The following SLC4A5 variants were observed in gnomAD, a reference collection of about 807,000 sequenced individuals.
SLC4A5 encodes solute carrier family 4 member 5.
Under a neutral mutation model 120.4 loss-of-function variants are expected in SLC4A5, and 96 were observed. The ratio of observed to expected loss-of-function variants is 0.80; its 90% CI spans 0.68 to 0.94. SLC4A5 has a LOEUF of 0.94. Ranked by LOEUF, SLC4A5 falls within the 40% of genes least tolerant of loss-of-function variation. The pLI, the probability that SLC4A5 is intolerant of heterozygous loss-of-function variation, is 0.00. For synonymous variants in SLC4A5, 550 were observed against 571.1 expected (o/e 0.96, Z 0.53); for missense variants, 1,259 against 1,459.5 (o/e 0.86, Z 2.24).
intron 8 of SLC4A5, among the ~76,000 whole-genome samples, chr2:74,269,137 C>G (rs990517410): frequency 6.6e-6 from 1 of 152,000 alleles, no homozygotes; most frequent in Non-Finnish European, 1.5e-5. Flanking sequence ...TATGTGATAT[C>G]GAAAGTAAGA....
chr2:74,259,233 C>T (rs1335012466), intron 12 of SLC4A5, among the ~76,000 whole-genome samples: 1 of 152,170 alleles, frequency 6.6e-6, no homozygotes, highest in African/African-American at 2.4e-5. Flanking sequence ...AGCCCCAGTC[C>T]CTATCCCATC....
chr2:74,253,206 T>C, intron 14 of SLC4A5, 78 bp from the exon 15 acceptor site: 2 of 1,550,734 alleles, frequency 1.3e-6, no homozygotes, highest in Non-Finnish European at 1.7e-6. Context: ...CATCTAGTTT[T>C]TAAAGGAATC....
intron 28 of SLC4A5, 138 bp downstream of exon 28, chr2:74,224,702 G>A: frequency 1.6e-6 from 2 of 1,218,172 alleles, no homozygotes; most frequent in Non-Finnish European, 2.3e-6. Context: ...AAGACAAGCA[G>A]ATGCCCCAGC....
At chr2:74,261,111 G>A (rs1671120035) in intron 11 of SLC4A5, among the ~76,000 whole-genome samples, 1 of 152,072 alleles carries the variant, frequency 6.6e-6, no homozygotes, top group African/African-American at 2.4e-5. Context: ...CTGCATGCTG[G>A]GCCACCTCAT....
intron 3 of SLC4A5, among the ~76,000 whole-genome samples, chr2:74,337,353 A>G (rs978042965): frequency 6.6e-6 from 1 of 152,178 alleles, no homozygotes; most frequent in Non-Finnish European, 1.5e-5. Context: ...GATAGATGAC[A>G]TGAAGGGCAG....
chr2:74,315,907 T>C (rs1672952962), intron 5 of SLC4A5, among the ~76,000 whole-genome samples: 1 of 152,140 alleles, frequency 6.6e-6, no homozygotes, highest in African/African-American at 2.4e-5. Context: ...TATAATTCCA[T>C]TAAAAAATTC....
At chr2:74,309,202 A>G (rs2104278435) in intron 6 of SLC4A5, among the ~76,000 whole-genome samples, 1 of 152,146 alleles carries the variant, frequency 6.6e-6, no homozygotes, top group African/African-American at 2.4e-5. Context: ...TACAGGCATG[A>G]GCCATTACAC....
intron 12 of SLC4A5, among the ~76,000 whole-genome samples, chr2:74,258,502 T>A (rs1329254572): frequency 2.0e-5 from 3 of 152,250 alleles, no homozygotes; most frequent in Non-Finnish European, 4.4e-5. Context: ...TCTGTATGCA[T>A]GAGTAAAAGT....
chr2:74,323,140 T>C (rs1195088956), intron 5 of SLC4A5, among the ~76,000 whole-genome samples: 1 of 152,152 alleles, frequency 6.6e-6, no homozygotes, highest in Non-Finnish European at 1.5e-5. Context: ...CTTGGGAGGC[T>C]GAGACACGAC....
At chr2:74,331,928 G>A (rs1673374621) in intron 4 of SLC4A5, among the ~76,000 whole-genome samples, 1 of 152,088 alleles carries the variant, frequency 6.6e-6, no homozygotes, top group African/African-American at 2.4e-5. Flanking sequence ...CTCAGAGAAG[G>A]CCTGTGCTTC....
intron 4 of SLC4A5, among the ~76,000 whole-genome samples, chr2:74,329,492 G>C (rs982106025): frequency 4.6e-5 from 7 of 152,184 alleles, no homozygotes; most frequent in African/African-American, 1.7e-4. Context: ...AGGAGGCTGA[G>C]GCAGGAGAAT....
At chr2:74,324,251 A>G (rs147798588) in intron 5 of SLC4A5, among the ~76,000 whole-genome samples, 1 of 152,300 alleles carries the variant, frequency 6.6e-6, no homozygotes, top group East Asian at 1.9e-4. Context: ...CATAATACCT[A>G]GAAGGCTGCT....
rs185930817 is a variant in SLC4A5, at chr2:74,220,673, T to C, written c.*33+761A>G. ...CTGGGACTACAGGCGCCCACCACCATGCCCGGCTAATTTTTTGTATTTTTA... is the reference window on the plus strand; with the variant it reads ...CTGGGACTACAGGCGCCCACCACCACGCCCGGCTAATTTTTTGTATTTTTA... On this transcript the variant is annotated intron_variant, in intron 30 of 30. Coordinates refer to ENST00000394019, the Ensembl canonical transcript of SLC4A5. Among the ~76,000 whole-genome samples, 386 of 150,222 alleles carry C rather than the reference T, an allele frequency of 2.6e-3. 4 individuals carry two copies. Among genetic ancestry groups the C allele is most frequent in the Middle Eastern group, 6.9e-3 (2 of 290 alleles).
rs771351220 is a variant in SLC4A5, at chr2:74,217,259, G to GT, written c.*1566dup. On this transcript the variant is annotated 3_prime_UTR_variant, in exon 31 of 31. Transcript: ENST00000394019. The stretch of plus-strand genomic sequence containing the variant: ...TTAAATCATAGTTGTTTTGGAGAAA[G>GT]TAAGTGTCAGATGCACTGTGGCTGT... 9.8e-5 allele frequency: 15 copies of GT among 152,332 alleles called. No homozygotes were observed. In the East Asian group the frequency reaches 2.3e-3, roughly 23 times the overall value. The allele number at this position is 152,332 out of a possible 1,614,324, so 9.4% of individuals were successfully genotyped here.
exon 18 of SLC4A5, chr2:74,248,380 A>T (rs1670684946): frequency 6.2e-7 from 1 of 1,614,042 alleles, no homozygotes; most frequent in South Asian, 1.1e-5. Flanking sequence ...GAGCTTCTCA[A>T]AGATGAGGAT....
chr2:74,221,241 CA>C (rs1694633629), intron 30 of SLC4A5, among the ~76,000 whole-genome samples, 192 bp downstream of exon 30: 1 of 152,202 alleles, frequency 6.6e-6, no homozygotes, highest in East Asian at 1.9e-4. Flanking sequence ...GTTGTTAAGT[CA>C]GTAAGAAGAC....
chr2:74,247,627 G>A (rs1670654875), intron 18 of SLC4A5, among the ~76,000 whole-genome samples: 1 of 151,728 alleles, frequency 6.6e-6, no homozygotes. Flanking sequence ...TGATTCTCCT[G>A]CCTCAGCCTC....
chr2:74,243,398 C>T (rs1006016105), intron 19 of SLC4A5, among the ~76,000 whole-genome samples: 10 of 152,216 alleles, frequency 6.6e-5, no homozygotes, highest in Non-Finnish European at 1.3e-4. Context: ...GGCCTGCTGA[C>T]GCTGGGTGGC....
chr2:74,250,553 A>T (rs771730957), intron 16 of SLC4A5, 36 bp from the exon 17 acceptor site: 3 of 1,612,196 alleles, frequency 1.9e-6, no homozygotes, highest in Non-Finnish European at 2.5e-6. Flanking sequence ...CTTTCTCACC[A>T]CTAACACCAG....
Sources: gnomAD v4.1 joint callset for allele counts (sites outside exome capture counted in the v4.1 genomes callset) on GRCh38, gnomAD v4.1.1 for gene constraint, MANE v1.5 for transcripts, NCBI Gene and HGNC (gene_info 2026-07-23, HGNC 2026-07-21) for gene names.